The following GMDS variants were observed in gnomAD, a reference collection of about 807,000 sequenced individuals.
GMDS encodes GDP-mannose 4,6-dehydratase.
In GMDS, 20 loss-of-function variants were observed where a neutral mutation model predicts 49.9. The observed-to-expected ratio is 0.40, with a 90% CI of 0.28 to 0.58. GMDS has a LOEUF of 0.58. GMDS is among the 20% of genes least tolerant of loss of function. The pLI is 0.42. For missense variants in GMDS, 362 were observed against 481.4 expected, an observed-to-expected ratio of 0.75 and a Z score of 2.32; for synonymous variants, 177 against 178.6, an observed-to-expected ratio of 0.99 and a Z score of 0.07.
chr6:1,671,982 C>T (rs1764447471), intron 9 of GMDS, among the ~76,000 whole-genome samples: 1 of 152,224 alleles, frequency 6.6e-6, no homozygotes, highest in Admixed American at 6.5e-5. Context: ...TTACTTTCTG[C>T]CATTACTTTT....
At chr6:1,973,633 AACAT>A (rs1764736202) in intron 4 of GMDS, among the ~76,000 whole-genome samples, 1 of 152,208 alleles carries the variant, frequency 6.6e-6, no homozygotes, top group African/African-American at 2.4e-5. Flanking sequence ...CACAGTAAAC[AACAT>A]ACAGTCTTCA....
At chr6:1,630,540 G>A (rs1268231005) in intron 9 of GMDS, among the ~76,000 whole-genome samples, 2 of 152,226 alleles carry the variant, frequency 1.3e-5, no homozygotes, top group African/African-American at 4.8e-5. Context: ...GCAGCAGTCT[G>A]AGCCAGCTGA....
At chr6:1,659,176 AC>A (rs1015420237) in intron 9 of GMDS, among the ~76,000 whole-genome samples, 6 of 148,530 alleles carry the variant, frequency 4.0e-5, no homozygotes, top group Admixed American at 2.0e-4. Context: ...TGGGCAGGGG[AC>A]ACTGGATGCT....
chr6:2,116,115 T>C (rs535029803), intron 3 of GMDS, among the ~76,000 whole-genome samples: 1 of 152,196 alleles, frequency 6.6e-6, no homozygotes, highest in East Asian at 1.9e-4. Flanking sequence ...CTCAGAAAAA[T>C]GTTTTTTAAA....
At chr6:2,170,351 T>C (rs764652498) in intron 1 of GMDS, among the ~76,000 whole-genome samples, 12 of 152,188 alleles carry the variant, frequency 7.9e-5, no homozygotes, top group Non-Finnish European at 1.3e-4. Context: ...TTAGGCCAGG[T>C]GTACTAGCTC....
In GMDS at chr6:1,683,944, C is replaced by T. The variant is rs569754200; in HGVS notation, c.987+42472G>A. 5.4e-4 allele frequency among the ~76,000 whole-genome samples: 81 copies of T among 149,682 alleles called. 1 individual carries two copies. The highest frequency in any genetic ancestry group is 1.9e-3 in the African/African-American group (76 of 40,772). On this transcript the variant is annotated intron_variant, in intron 9 of 10. Coordinates refer to ENST00000380815, the MANE Select transcript of GMDS (RefSeq NM_001500.4). ...TAGGCCTGGATCCGCCCTCTATCAG[C>T]TATGAGGGTGGGGTTTGCCATCGGT...
At chr6:2,083,770 T>C (rs1262497769) in intron 4 of GMDS, among the ~76,000 whole-genome samples, 1 of 152,184 alleles carries the variant, frequency 6.6e-6, no homozygotes. Context: ...CATCAACTAA[T>C]CTGCAAATTA....
chr6:2,100,008 A>C (rs75138287), intron 4 of GMDS, among the ~76,000 whole-genome samples: 2 of 152,094 alleles, frequency 1.3e-5, no homozygotes, highest in African/African-American at 4.8e-5. Context: ...AACATACAGC[A>C]TAACTCTTAC....
intron 4 of GMDS, among the ~76,000 whole-genome samples, chr6:2,053,973 A>G (rs1383681602): frequency 6.6e-6 from 1 of 152,122 alleles, no homozygotes; most frequent in Non-Finnish European, 1.5e-5. Context: ...TCAATATATA[A>G]AAGAAAGCAT....
intron 8 of GMDS, among the ~76,000 whole-genome samples, chr6:1,727,796 TG>T (rs1357371103): frequency 6.6e-6 from 1 of 152,212 alleles, no homozygotes; most frequent in Non-Finnish European, 1.5e-5. Flanking sequence ...TTTGTTAGTG[TG>T]CTGAATTTAC....
At chr6:2,144,940 C>T (rs905648171) in intron 1 of GMDS, among the ~76,000 whole-genome samples, 2 of 151,978 alleles carry the variant, frequency 1.3e-5, no homozygotes, top group Non-Finnish European at 2.9e-5. Context: ...GAAGCTTCCA[C>T]GAGGATAAGA....
intron 1 of GMDS, among the ~76,000 whole-genome samples, chr6:2,242,172 A>C (rs1378046896): frequency 6.6e-6 from 1 of 152,256 alleles, no homozygotes; most frequent in African/African-American, 2.4e-5. Flanking sequence ...TCACCTTAAA[A>C]GGAATAAGAA....
chr6:1,914,098 G>A (rs964526761), intron 7 of GMDS, among the ~76,000 whole-genome samples: 9 of 146,944 alleles, frequency 6.1e-5, no homozygotes, highest in Non-Finnish European at 3.0e-5. Context: ...TACATAGAAC[G>A]TGTGTCAATT....
At chr6:2,038,812 T>C (rs987834524) in intron 4 of GMDS, among the ~76,000 whole-genome samples, 3 of 152,188 alleles carry the variant, frequency 2.0e-5, no homozygotes, top group African/African-American at 7.2e-5. Flanking sequence ...TCTGGACATA[T>C]AGTTGCTCAT....
At chr6:2,076,399 G>GA (rs369794015) in intron 4 of GMDS, among the ~76,000 whole-genome samples, 29,781 of 151,840 alleles carry the variant, frequency 0.2, 3,438 homozygotes, top group Non-Finnish European at 0.24. Context: ...CACAGAATTG[G>GA]AAAAAAACTA....
intron 7 of GMDS, among the ~76,000 whole-genome samples, chr6:1,796,431 G>T (rs1769736906): frequency 6.6e-6 from 1 of 152,122 alleles, no homozygotes; most frequent in Non-Finnish European, 1.5e-5. Context: ...AAATTCTCAG[G>T]CCTCACGCCT....
intron 4 of GMDS, among the ~76,000 whole-genome samples, chr6:2,101,984 G>A (rs1227464216): frequency 6.6e-6 from 1 of 152,036 alleles, no homozygotes; most frequent in Non-Finnish European, 1.5e-5. Flanking sequence ...TAATCAACAG[G>A]AATGCTACTT....
Position 1,893,582 on chromosome 6 carries a change from G to T in GMDS, c.771+36521C>A, listed in dbSNP as rs185720645. 1.4e-3 allele frequency among the ~76,000 whole-genome samples: 213 copies of T among 152,244 alleles called. 1 individual carries two copies. The highest frequency in any genetic ancestry group is 3.4e-3 in the Middle Eastern group (1 of 294). ...GAGCTTTCTTCACAAATTGAATCCT[G>T]TTTTCCAAATTGGCCAGTGAAACGT... On this transcript the variant is annotated intron_variant, in intron 7 of 10. Coordinates refer to ENST00000380815, the MANE Select transcript of GMDS (RefSeq NM_001500.4).
At chr6:1,935,937 G>A (rs1040051636) in intron 6 of GMDS, among the ~76,000 whole-genome samples, 1 of 152,150 alleles carries the variant, frequency 6.6e-6, no homozygotes, top group South Asian at 2.1e-4. Flanking sequence ...ATCCCCAGGT[G>A]AAGGGGGATC....
Sources: allele counts gnomAD v4.1 joint callset (sites outside exome capture counted in the v4.1 genomes callset), GRCh38; gene constraint gnomAD v4.1.1; transcripts MANE v1.5; gene names NCBI Gene and HGNC (gene_info 2026-07-23, HGNC 2026-07-21).